Variants in DAGLA observed in about 807,000 individuals in gnomAD.
The protein encoded by DAGLA is diacylglycerol lipase alpha, also known as diacylglycerol lipase-alpha.
DAGLA carries 22 observed loss-of-function variants against 102.6 expected under a neutral mutation model. The ratio of observed to expected loss-of-function variants is 0.21; its 90% confidence interval spans 0.15 to 0.31. The LOEUF (loss-of-function observed/expected upper bound fraction) is 0.31. Ranked by LOEUF, DAGLA falls within the 10% of genes least tolerant of loss-of-function variation. The probability of loss-of-function intolerance (pLI) is 1.00; values close to 1 mark genes in which losing one functional copy is unlikely to be tolerated. For synonymous variants in DAGLA, 578 were observed against 628.9 expected, an observed-to-expected ratio of 0.92 and a Z score of 1.21; for missense variants, 927 against 1,446.6, an observed-to-expected ratio of 0.64 and a Z score of 5.83.
intron 7 of DAGLA, 37 bp from the exon 8 acceptor site, chr11:61,728,894 G>A (rs377219987): frequency 6.3e-7 from 1 of 1,593,312 alleles, no homozygotes; most frequent in African/African-American, 1.3e-5. Flanking sequence ...CCGGGCCTGG[G>A]CCAGTGATTG....
intron 1 of DAGLA, among the ~76,000 whole-genome samples, chr11:61,695,031 G>A (rs1370805892): frequency 2.0e-5 from 3 of 152,160 alleles, no homozygotes; most frequent in South Asian, 2.1e-4. Context: ...GCAGCCCCAC[G>A]GGCCCTCTCT....
chr11:61,681,488 G>A (rs2064941901), intron 1 of DAGLA, among the ~76,000 whole-genome samples: 1 of 152,116 alleles, frequency 6.6e-6, no homozygotes. Context: ...AGGACCAAGA[G>A]GTAACCCGGG....
At chr11:61,723,610 C>T in intron 5 of DAGLA, 38 bp downstream of exon 5, 1 of 1,601,406 alleles carries the variant, frequency 6.2e-7, no homozygotes, top group Non-Finnish European at 8.5e-7. Flanking sequence ...CCAGGGTGGG[C>T]TTTGCTGTCT....
At chr11:61,704,178 G>T (rs2065132335) in intron 1 of DAGLA, among the ~76,000 whole-genome samples, 2 of 149,516 alleles carry the variant, frequency 1.3e-5, no homozygotes, top group African/African-American at 5.0e-5. Context: ...GGAGTGCAAT[G>T]GCACGATCTC....
chr11:61,700,228 T>C (rs891539711), intron 1 of DAGLA, among the ~76,000 whole-genome samples: 12 of 151,710 alleles, frequency 7.9e-5, no homozygotes, highest in Non-Finnish European at 1.3e-4. Flanking sequence ...GAGACTTTTG[T>C]ATGGCAGGAG....
chr11:61,741,121 T>C, intron 18 of DAGLA, 41 bp from the exon 19 acceptor site: 2 of 1,568,652 alleles, frequency 1.3e-6, no homozygotes, highest in Non-Finnish European at 1.7e-6. Context: ...TGGGGCCTGA[T>C]GTCCCTCCAC....
chr11:61,710,761 G>A (rs2065188243), intron 1 of DAGLA, among the ~76,000 whole-genome samples: 2 of 152,176 alleles, frequency 1.3e-5, no homozygotes, highest in Non-Finnish European at 2.9e-5. Flanking sequence ...GCAAGGTGAG[G>A]TAAAGGTTCT....
rs1163521896 is a variant in DAGLA at position 61,744,366 on chromosome 11, C to T, written c.3006C>T (p.Asp1002=). 1.9e-6 allele frequency: 3 copies of T among 1,612,116 alleles called. No homozygotes were observed. The highest frequency in any genetic ancestry group is 1.3e-5 in the African/African-American group (1 of 74,916). Residue 1002 remains aspartate (D), a synonymous_variant, in exon 20 of 20, where the codon GAC becomes GAT. Coordinates refer to ENST00000257215, the MANE Select transcript of DAGLA (RefSeq NM_006133.3). ...TCAGCTCCTCGGGTGAGCTCATGGA[C>T]CTGACGCCCACGGGCCTCAGTAGCC... ...FPLSSSGELM[D]LTPTGLSSQE... is the part of the protein sequence containing the mutation.
chr11:61,701,943 T>A (rs79948368), intron 1 of DAGLA, among the ~76,000 whole-genome samples: 1 of 146,058 alleles, frequency 6.8e-6, no homozygotes, highest in African/African-American at 2.5e-5. Context: ...CCCAGATAAA[T>A]TTTTTTTTTT....
intron 16 of DAGLA, 31 bp from the exon 17 acceptor site, chr11:61,739,434 G>C (rs758066837): frequency 6.2e-6 from 10 of 1,601,394 alleles, no homozygotes; most frequent in South Asian, 2.2e-5. Flanking sequence ...ACTTAGCTCT[G>C]TCCCCATCTC....
At chr11:61,692,142 C>T (rs561681119) in intron 1 of DAGLA, among the ~76,000 whole-genome samples, 50 of 152,318 alleles carry the variant, frequency 3.3e-4, no homozygotes, top group African/African-American at 9.6e-4. Flanking sequence ...TGTGATCGTA[C>T]GTCCAGGCAG....
At chr11:61,735,115 G>A in intron 10 of DAGLA, 113 bp downstream of exon 10, 1 of 1,288,436 alleles carries the variant, frequency 7.8e-7, no homozygotes. Flanking sequence ...GTGCTGGCTG[G>A]CTGCAGCTTC....
At chr11:61,730,804 G>A (rs1318763967) in intron 8 of DAGLA, among the ~76,000 whole-genome samples, 2 of 152,216 alleles carry the variant, frequency 1.3e-5, no homozygotes, top group Admixed American at 1.3e-4. Flanking sequence ...CCCAATATTT[G>A]CAGTCAAAGA....
At chr11:61,729,997 CAGG>C (rs754566494) in intron 8 of DAGLA, among the ~76,000 whole-genome samples, 14 of 151,606 alleles carry the variant, frequency 9.2e-5, no homozygotes, top group Non-Finnish European at 1.6e-4. Flanking sequence ...TGCTTGAGCC[CAGG>C]AGATCAGGGC....
At chr11:61,722,109 C>T (rs2065288765) in intron 3 of DAGLA, among the ~76,000 whole-genome samples, 1 of 152,230 alleles carries the variant, frequency 6.6e-6, no homozygotes, top group East Asian at 1.9e-4. Context: ...TTCCAGAGGC[C>T]TCTTGCTGGG....
At chr11:61,691,914 A>C (rs1281678141) in intron 1 of DAGLA, among the ~76,000 whole-genome samples, 1 of 152,202 alleles carries the variant, frequency 6.6e-6, no homozygotes, top group Non-Finnish European at 1.5e-5. Context: ...AGGTGACATG[A>C]GATGATGCTG....
intron 1 of DAGLA, among the ~76,000 whole-genome samples, chr11:61,687,801 T>A (rs1379433957): frequency 6.6e-6 from 1 of 152,230 alleles, no homozygotes; most frequent in Non-Finnish European, 1.5e-5. Context: ...ACTTTTTGTA[T>A]CTTCTCTCAT....
chr11:61,737,469 C>T (rs1393286562), intron 14 of DAGLA, 145 bp downstream of exon 14: 13 of 1,246,652 alleles, frequency 1.0e-5, no homozygotes, highest in Non-Finnish European at 1.5e-5. Context: ...AGGGTGGGGG[C>T]TCTGAAATGC....
chr11:61,720,033 T>C, intron 1 of DAGLA, 79 bp from the exon 2 acceptor site: 1 of 959,734 alleles, frequency 1.0e-6, no homozygotes, highest in Non-Finnish European at 1.6e-6. Flanking sequence ...CGGGGACTGG[T>C]CCCGTGGCCC....
Sources: gnomAD v4.1 joint callset for allele counts (sites outside exome capture counted in the v4.1 genomes callset) on GRCh38, gnomAD v4.1.1 for gene constraint, MANE v1.5 for transcripts, NCBI Gene and HGNC (gene_info 2026-07-23, HGNC 2026-07-21) for gene names.